RPL31: variants seen among roughly 807,000 people sequenced by gnomAD.
RPL31 encodes ribosomal protein L31.
For synonymous variants in RPL31, 51 were observed against 55.0 expected (o/e 0.93, Z 0.32); for missense variants, 95 against 164.0 (o/e 0.58, Z 2.30).
chr2:101,006,156 G>C, intron 4 of RPL31, 85 bp downstream of exon 4: 2 of 1,552,254 alleles, frequency 1.3e-6, no homozygotes, highest in Non-Finnish European at 8.7e-7. Context: ...TGTTAAGCTA[G>C]GGGTGACACA....
At chr2:101,015,065 C>CACGA (rs1310464160) in intron 4 of RPL31, among the ~76,000 whole-genome samples, 17 of 152,178 alleles carry the variant, frequency 1.1e-4, no homozygotes, top group African/African-American at 3.9e-4. Flanking sequence ...AGTGGACTTA[C>CACGA]ACGAACCTAG....
At chr2:101,011,328 G>T, downstream of RPL31, 1 of 1,038,838 alleles carries the variant, frequency 9.6e-7, no homozygotes, top group Non-Finnish European at 1.5e-6. Context: ...TGAGTTTGGG[G>T]ATAATTCATT....
At chr2:101,015,930 G>C (rs1168380154) in intron 4 of RPL31, among the ~76,000 whole-genome samples, 1 of 151,810 alleles carries the variant, frequency 6.6e-6, no homozygotes, top group Non-Finnish European at 1.5e-5. Context: ...ATTCAAGATG[G>C]ATTAAAGACT....
chr2:101,012,623 TAC>T (rs1203973285), intron 4 of RPL31, among the ~76,000 whole-genome samples: 2 of 130,000 alleles, frequency 1.5e-5, no homozygotes, highest in Admixed American at 7.8e-5. Flanking sequence ...ACTCTGAATA[TAC>T]AAAAAAAAAA....
intron 4 of RPL31, chr2:101,017,975 T>A: frequency 1.3e-6 from 2 of 1,532,292 alleles, no homozygotes; most frequent in Non-Finnish European, 1.8e-6. Context: ...TTATAGAGGA[T>A]TCGAACGGTT....
At chr2:101,017,400 TTATACAACGGCA>T (rs1679735130) in intron 4 of RPL31, among the ~76,000 whole-genome samples, 1 of 152,230 alleles carries the variant, frequency 6.6e-6, no homozygotes, top group Non-Finnish European at 1.5e-5. Flanking sequence ...TGCTATACTT[TTATACAACGGCA>T]ATAGAGTTGT....
chr2:101,010,967 T>C, downstream of RPL31: 1 of 1,613,172 alleles, frequency 6.2e-7, no homozygotes, highest in African/African-American at 1.3e-5. Context: ...GTTTTATCTT[T>C]TTCTTTGGCT....
At chr2:101,013,884 T>C (rs910973405) in intron 4 of RPL31, among the ~76,000 whole-genome samples, 1 of 152,230 alleles carries the variant, frequency 6.6e-6, no homozygotes, top group Non-Finnish European at 1.5e-5. Context: ...AAAAGCAGTA[T>C]AGGGCCTTCC....
chr2:101,002,752 C>G lies in RPL31; in HGVS notation c.51C>G (p.Ile17Met). Residue 17 changes from isoleucine (I) to methionine (M), a missense_variant, in exon 2 of 5, where the codon ATC becomes ATG. By Grantham distance (10) the Ile-to-Met change is conservative (BLOSUM62 1). Coordinates refer to ENST00000264258, the MANE Select transcript of RPL31 (RefSeq NM_000993.5). ...AGAAGAAAAAGGGCCGTTCTGCCATCAACGAAGTGGTAACCCGAGAATACA... is the reference window on the plus strand; with the variant it reads ...AGAAGAAAAAGGGCCGTTCTGCCATGAACGAAGTGGTAACCCGAGAATACA... ...GGEKKKGRSA[I>M]NEVVTREYTI... 1 of 1,614,182 alleles carries G rather than the reference C, an allele frequency of 6.2e-7. No individual in the cohort carries two copies. The highest frequency in any genetic ancestry group is 8.5e-7 in the Non-Finnish European group (1 of 1,180,022).
Position 101,017,160 on chromosome 2 carries a change from C to T in RPL31, c.347-1838C>T, listed in dbSNP as rs1032870486. The stretch of plus-strand genomic sequence containing the variant: ...TCAATATCAGTGTCTTCCACGTCCA[C>T]ATCTTGTCCCAACTGAAGGTCTTCA... On this transcript the variant is annotated intron_variant, in intron 4 of 4. Transcript: ENST00000409028. Among the ~76,000 whole-genome samples, 5 of 151,994 alleles carry T rather than the reference C, an allele frequency of 3.3e-5. No individual in the cohort carries two copies. In the South Asian group the frequency reaches 8.3e-4, roughly 25 times the overall value.
chr2:101,009,148 C>T (rs1678981505), downstream of RPL31, among the ~76,000 whole-genome samples: 2 of 152,164 alleles, frequency 1.3e-5, no homozygotes, highest in Admixed American at 1.3e-4. Context: ...AATCCCAGCA[C>T]TTTGGGAGGC....
chr2:101,015,438 TA>T (rs1679555298), intron 4 of RPL31, among the ~76,000 whole-genome samples: 1 of 152,212 alleles, frequency 6.6e-6, no homozygotes, highest in South Asian at 2.1e-4. Context: ...TCTTCAATAA[TA>T]AATTAACCTC....
At chr2:101,007,560 G>A (rs1678819645), downstream of RPL31, 1 of 473,126 alleles carries the variant, frequency 2.1e-6, no homozygotes, top group Non-Finnish European at 3.8e-6. Flanking sequence ...CACAGCAGAA[G>A]TGCCCATTTC....
downstream of RPL31, chr2:101,011,323 T>C (rs1679191828): frequency 4.0e-6 from 4 of 993,816 alleles, no homozygotes; most frequent in South Asian, 4.4e-5. Flanking sequence ...GGCAGTGAGT[T>C]TGGGGATAAT....
At chr2:101,007,723 A>G (rs1678834275), downstream of RPL31, 3 of 1,261,044 alleles carry the variant, frequency 2.4e-6, no homozygotes, top group African/African-American at 4.5e-5. Flanking sequence ...CCCATTGGTA[A>G]GGTAGACTGA....
downstream of RPL31, chr2:101,011,086 G>T: frequency 6.5e-7 from 1 of 1,530,492 alleles, no homozygotes. Flanking sequence ...ACAGCAAAAA[G>T]GAAACTATGT....
downstream of RPL31, among the ~76,000 whole-genome samples, chr2:101,011,997 C>T (rs374220045): frequency 5.3e-4 from 81 of 152,136 alleles, no homozygotes; most frequent in African/African-American, 1.9e-3. Flanking sequence ...TGTACTTACA[C>T]GATTTCTTTT....
At chr2:101,008,908 C>T (rs1678960230), downstream of RPL31, among the ~76,000 whole-genome samples, 1 of 152,112 alleles carries the variant, frequency 6.6e-6, no homozygotes, top group South Asian at 2.1e-4. Flanking sequence ...ACAGCTGAAA[C>T]GCTATAAAGT....
At chr2:101,008,772 T>C (rs548065994), downstream of RPL31, among the ~76,000 whole-genome samples, 51 of 151,158 alleles carry the variant, frequency 3.4e-4, no homozygotes, top group African/African-American at 9.2e-4. Context: ...GATCACACCA[T>C]TGCACTCCAG....
Sources: gnomAD v4.1 joint callset for allele counts (sites outside exome capture counted in the v4.1 genomes callset) on GRCh38, gnomAD v4.1.1 for gene constraint, MANE v1.5 for transcripts, NCBI Gene and HGNC (gene_info 2026-07-23, HGNC 2026-07-21) for gene names.